ZNF569: variants seen among roughly 807,000 people sequenced by gnomAD.
The protein encoded by ZNF569 is zinc finger protein 569.
Under a neutral mutation model 56.3 loss-of-function variants are expected in ZNF569, and 38 were observed. The observed-to-expected ratio is 0.68, with a 90% CI of 0.52 to 0.88. ZNF569 has a LOEUF of 0.88. Among genes scored for constraint, ZNF569 ranks in the 40% least tolerant of loss-of-function variants. The probability of loss-of-function intolerance (pLI) is 0.00; values close to 1 mark genes in which losing one functional copy is unlikely to be tolerated. For missense variants in ZNF569, 666 were observed against 809.2 expected (o/e 0.82, Z 2.15); for synonymous variants, 241 against 262.9 (o/e 0.92, Z 0.81).
intron 5 of ZNF569, among the ~76,000 whole-genome samples, chr19:37,419,653 G>T (rs943368999): frequency 6.6e-6 from 1 of 152,034 alleles, no homozygotes; most frequent in Non-Finnish European, 1.5e-5. Flanking sequence ...AACCTGGGAG[G>T]TGGAGGTTGC....
intron 5 of ZNF569, among the ~76,000 whole-genome samples, chr19:37,418,041 C>T (rs1232153467): frequency 3.3e-5 from 5 of 151,708 alleles, no homozygotes; most frequent in African/African-American, 4.8e-5. Flanking sequence ...GCGGAGGTTG[C>T]AGTGAGCCAA....
chr19:37,413,894 G>C lies in ZNF569; in HGVS notation c.764C>G (p.Ser255Ter), dbSNP rs2040883121. 6.2e-7 allele frequency: 1 copy of C among 1,613,056 alleles called. No individual in the cohort carries two copies. The highest frequency in any genetic ancestry group is 1.7e-5 in the Admixed American group (1 of 59,968). ...NECGKAFIKMSNLIRHQRIHT... is the reference protein window; with the variant it reads ...NECGKAFIKM ...AATTCTTTGATGTCTAATGAGATTT[G>C]ACATTTTAATGAAAGCTTTACCACA... The change falls in exon 6 of 6, where the codon TCA (serine) becomes TGA (stop). Residue 255 changes from serine to a stop codon, truncating the protein, a stop_gained. Coordinates refer to ENST00000316950, the MANE Select transcript of ZNF569 (RefSeq NM_152484.3). LOFTEE classifies it high-confidence loss of function.
intron 5 of ZNF569, among the ~76,000 whole-genome samples, chr19:37,418,323 T>C (rs77435561): frequency 0.024 from 3,592 of 151,832 alleles, 161 homozygotes; most frequent in African/African-American, 0.082. Flanking sequence ...ATAGTGACCA[T>C]AGGGAAAAGA....
intron 3 of ZNF569, 152 bp downstream of exon 3, chr19:37,444,755 A>T: frequency 5.4e-6 from 3 of 551,312 alleles, no homozygotes; most frequent in Admixed American, 4.1e-5. Flanking sequence ...CCACATTTTA[A>T]CTCTTCCCTA....
intron 5 of ZNF569, among the ~76,000 whole-genome samples, chr19:37,419,617 G>A (rs2040995585): frequency 1.3e-5 from 2 of 152,042 alleles, no homozygotes; most frequent in South Asian, 4.1e-4. Flanking sequence ...CCAGCTACTG[G>A]GAGGCTGAGG....
chr19:37,455,798 T>C (rs2146965279), intron 2 of ZNF569, among the ~76,000 whole-genome samples: 1 of 152,144 alleles, frequency 6.6e-6, no homozygotes. Flanking sequence ...AAAGGGCCAA[T>C]GACACATGAA....
At chr19:37,448,753 C>T (rs1207122195) in intron 2 of ZNF569, among the ~76,000 whole-genome samples, 3 of 151,614 alleles carry the variant, frequency 2.0e-5, no homozygotes, top group Admixed American at 6.6e-5. Flanking sequence ...TTAGTAGAGA[C>T]GGGGTTTCAC....
intron 2 of ZNF569, among the ~76,000 whole-genome samples, chr19:37,456,101 C>T (rs1180692315): frequency 6.6e-6 from 1 of 152,192 alleles, no homozygotes; most frequent in South Asian, 2.1e-4. Context: ...AGCAATGTGA[C>T]TTCACTTTGT....
At chr19:37,454,861 A>C (rs1316656598) in intron 2 of ZNF569, 2 of 702,662 alleles carry the variant, frequency 2.8e-6, no homozygotes, top group Non-Finnish European at 5.2e-6. Flanking sequence ...GGCAGAGTCC[A>C]TCCCAGGTAA....
intron 3 of ZNF569, among the ~76,000 whole-genome samples, chr19:37,438,311 A>G (rs2041346627): frequency 6.6e-6 from 1 of 152,150 alleles, no homozygotes; most frequent in Admixed American, 6.5e-5. Flanking sequence ...ACCTAAGCCC[A>G]GGAGGTCAAG....
At chr19:37,467,557 G>A (rs1401005448), upstream of ZNF569, 7 of 353,610 alleles carry the variant, frequency 2.0e-5, no homozygotes, top group Non-Finnish European at 3.6e-5. Context: ...GGTCCGTGAA[G>A]GAAGCCCGGC....
At chr19:37,429,087 A>G (rs190796308) in intron 3 of ZNF569, among the ~76,000 whole-genome samples, 1 of 152,340 alleles carries the variant, frequency 6.6e-6, no homozygotes, top group East Asian at 1.9e-4. Context: ...ACCCACTGTT[A>G]TTCTTCTATT....
intron 3 of ZNF569, among the ~76,000 whole-genome samples, chr19:37,434,036 C>T (rs1236698224): frequency 6.6e-6 from 1 of 152,164 alleles, no homozygotes; most frequent in Non-Finnish European, 1.5e-5. Context: ...GGTGCAGTGG[C>T]TCACACCTGT....
intron 2 of ZNF569, among the ~76,000 whole-genome samples, chr19:37,459,388 T>C (rs1038994092): frequency 2.0e-5 from 3 of 151,994 alleles, no homozygotes; most frequent in Non-Finnish European, 4.4e-5. Context: ...TCAGAAACTA[T>C]ATAAACAAGA....
At chr19:37,435,430 C>A (rs1021236431) in intron 3 of ZNF569, among the ~76,000 whole-genome samples, 1 of 152,118 alleles carries the variant, frequency 6.6e-6, no homozygotes, top group Non-Finnish European at 1.5e-5. Flanking sequence ...GACCACAAAA[C>A]AACCTGGAAA....
intron 3 of ZNF569, chr19:37,427,679 A>C: frequency 2.4e-6 from 1 of 412,992 alleles, no homozygotes; most frequent in South Asian, 1.8e-5. Flanking sequence ...TCAGCTCCTG[A>C]AAGCCCTTCC....
In ZNF569 at chr19:37,425,941, A is replaced by G; in HGVS notation, c.165T>C (p.Asp55=). 5 of 1,613,964 alleles carry G rather than the reference A, an allele frequency of 3.1e-6. No homozygotes were observed. Among genetic ancestry groups the G allele is most frequent in the Non-Finnish European group, 4.2e-6 (5 of 1,179,934 alleles). Residue 55 remains aspartate, a synonymous_variant, in exon 5 of 6, where the codon GAT becomes GAC. Transcript: ENST00000316950. ...CTTCTTGCTCCAATTTGAAAATCAC[A>G]TCAGGTTTGGTGAACGGATAGCCTG... ...ITVGYPFTKP[D]VIFKLEQEEE...
At chr19:37,419,419 A>G (rs2040991346) in intron 5 of ZNF569, among the ~76,000 whole-genome samples, 1 of 152,158 alleles carries the variant, frequency 6.6e-6, no homozygotes, top group South Asian at 2.1e-4. Context: ...TTGGTTTCCC[A>G]GTGCATATAA....
intron 3 of ZNF569, among the ~76,000 whole-genome samples, chr19:37,442,429 A>T (rs904990944): frequency 6.6e-6 from 1 of 152,218 alleles, no homozygotes; most frequent in African/African-American, 2.4e-5. Flanking sequence ...ACAGTGAATG[A>T]GGGAGAATGT....
Sources: gnomAD v4.1 joint callset for allele counts (sites outside exome capture counted in the v4.1 genomes callset) on GRCh38, gnomAD v4.1.1 for gene constraint, MANE v1.5 for transcripts, NCBI Gene and HGNC (gene_info 2026-07-23, HGNC 2026-07-21) for gene names.